Variants in SEC14L5 observed in about 807,000 individuals in gnomAD.
SEC14L5 encodes the protein SEC14 like lipid binding 5, also known as SEC14-like protein 5.
In SEC14L5, 96 loss-of-function variants were observed where a neutral mutation model predicts 84.6. That is an observed-to-expected ratio of 1.13 (90% CI 0.96 to 1.34). The LOEUF (loss-of-function observed/expected upper bound fraction) is 1.34, where lower values mean the gene tolerates loss of function less well. SEC14L5 is among the 40% of genes most tolerant of loss of function. The pLI is 0.00. For missense variants in SEC14L5, 1,224 were observed against 942.5 expected, an observed-to-expected ratio of 1.30 and a Z score of -3.91; for synonymous variants, 546 against 383.4, an observed-to-expected ratio of 1.42 and a Z score of -4.95.
At chr16:4,987,886 G>C (rs1596627682) in intron 3 of SEC14L5, among the ~76,000 whole-genome samples, 180 bp downstream of exon 3, 1 of 152,142 alleles carries the variant, frequency 6.6e-6, no homozygotes, top group Non-Finnish European at 1.5e-5. Context: ...CAGGAGGGGC[G>C]AGGGCTGGAA....
intron 2 of SEC14L5, among the ~76,000 whole-genome samples, chr16:4,981,529 G>A (rs1296360495): frequency 1.3e-5 from 2 of 152,114 alleles, no homozygotes; most frequent in East Asian, 3.9e-4. Flanking sequence ...CCGCTGCCTG[G>A]CAGGATTCTG....
chr16:4,962,999 C>T (rs760679874), intron 2 of SEC14L5, among the ~76,000 whole-genome samples: 8 of 152,122 alleles, frequency 5.3e-5, no homozygotes, highest in African/African-American at 1.4e-4. Flanking sequence ...GGTCAGATGC[C>T]GGGGAAGTTT....
rs181701873 is a variant in SEC14L5 at position 5,010,234 on chromosome 16, G to C, written c.1801-861G>C. Among the ~76,000 whole-genome samples, 339 of 149,012 alleles carry C rather than the reference G, an allele frequency of 2.3e-3. 4 individuals are homozygous for C. The East Asian group carries it at 0.032, about 14-fold the overall frequency. On this transcript the variant is annotated intron_variant, in intron 14 of 15. Coordinates refer to ENST00000251170, the MANE Select transcript of SEC14L5 (RefSeq NM_014692.2). ...AAAAAAAAAGCGAGGTGTGGTGGCG[G>C]GTGCCTGTAATCCCAGCTACTCGGG...
At chr16:4,997,663 G>C (rs1259664636) in intron 8 of SEC14L5, among the ~76,000 whole-genome samples, 2 of 152,156 alleles carry the variant, frequency 1.3e-5, no homozygotes, top group Admixed American at 6.5e-5. Context: ...GCACAATCTT[G>C]GTGGCTTAAA....
rs545468376 is a variant in SEC14L5 at position 4,985,596 on chromosome 16, T to C, written c.64-1961T>C. The stretch of plus-strand genomic sequence containing the variant: ...CCATTTGCTGAAGAGATTATTCTTT[T>C]CTCATCAGATTGTCTTGACACCTTT... On this transcript the variant is annotated intron_variant, in intron 2 of 15. Transcript: ENST00000251170. Among the ~76,000 whole-genome samples, 304 of 152,280 alleles carry C rather than the reference T, an allele frequency of 2.0e-3. 2 individuals are homozygous for C. The highest frequency in any genetic ancestry group is 6.7e-3 in the African/African-American group (278 of 41,544).
At position 4,990,490 on chromosome 16, in the gene SEC14L5, C is replaced by T. The variant is rs1043598060; in HGVS notation, c.346-277C>T. On this transcript the variant is annotated intron_variant, in intron 4 of 15. Coordinates refer to ENST00000251170, the MANE Select transcript of SEC14L5 (RefSeq NM_014692.2). ...AACATAAGTATTTCTAACTAATTTT[C>T]TATGTATGTGTATAATATTGAAAGG... Among the ~76,000 whole-genome samples, 3 of 152,236 alleles carry T rather than the reference C, an allele frequency of 2.0e-5. No individual in the cohort carries two copies. The South Asian group carries it at 6.2e-4, about 32-fold the overall frequency.
chr16:5,008,680 C>T (rs1568151793), intron 14 of SEC14L5, 32 bp downstream of exon 14: 2 of 1,566,616 alleles, frequency 1.3e-6, no homozygotes, highest in Non-Finnish European at 1.7e-6. Context: ...CATTCGCTCA[C>T]CAAGCAGCAC....
At chr16:4,979,667 G>A (rs1264034459) in intron 2 of SEC14L5, among the ~76,000 whole-genome samples, 2 of 152,176 alleles carry the variant, frequency 1.3e-5, no homozygotes, top group Non-Finnish European at 2.9e-5. Flanking sequence ...CCCGGGGCCT[G>A]GAGATGAGGC....
Position 5,008,451 on chromosome 16 carries a change from G to A in SEC14L5, c.1603G>A (p.Val535Ile), listed in dbSNP as rs1025359512. 4.3e-6 allele frequency: 7 copies of A among 1,613,278 alleles called. No individual in the cohort carries two copies. In the African/African-American group the frequency reaches 8.0e-5, roughly 18 times the overall value. Residue 535 changes from valine (V) to isoleucine (I), a missense_variant, in exon 14 of 16, where the codon GTC becomes ATC. By Grantham distance (29) the Val-to-Ile change is conservative. Transcript: ENST00000251170. ...CGTGGAGATCCTGGAAGGAGAGTCG[G>A]TCATCACCTGGGACTTTGACATCCT... ...VAVEILEGES[V>I]ITWDFDILRG...
chr16:5,012,140 C>G (rs1442392739), intron 15 of SEC14L5, among the ~76,000 whole-genome samples: 1 of 152,166 alleles, frequency 6.6e-6, no homozygotes, highest in Non-Finnish European at 1.5e-5. Context: ...GAGTCTTTAT[C>G]CAAGGAGGGG....
Position 5,015,045 on chromosome 16 carries a change from G to A in SEC14L5, c.*75G>A. 2 of 1,197,794 alleles carry A rather than the reference G, an allele frequency of 1.7e-6. No homozygotes were observed. Among genetic ancestry groups the A allele is most frequent in the Non-Finnish European group, 2.4e-6 (2 of 827,070 alleles). 74.2% of individuals were successfully genotyped at this position (1,197,794 alleles called of 1,614,324 possible). On this transcript the variant is annotated 3_prime_UTR_variant, in exon 16 of 16. Transcript: ENST00000251170. ...GTCCAGAATGAGAAGCCAGCTAACT[G>A]CAGGGCCTGGGACCATGTGGGCTGG...
In SEC14L5 at chr16:5,015,031, G is replaced by A. The variant is rs1162465850; in HGVS notation, c.*61G>A. 5.9e-6 allele frequency: 8 copies of A among 1,346,698 alleles called. No homozygotes were observed. Among genetic ancestry groups the A allele is most frequent in the Non-Finnish European group, 8.4e-6 (8 of 954,076 alleles). The allele number at this position is 1,346,698 out of a possible 1,614,324, so 83.4% of individuals were successfully genotyped here. On this transcript the variant is annotated 3_prime_UTR_variant, in exon 16 of 16. Coordinates refer to ENST00000251170, the MANE Select transcript of SEC14L5 (RefSeq NM_014692.2). Reference sequence around the variant, plus strand: ...CAGTGTCCAGAAATGTCCAGAATGAGAAGCCAGCTAACTGCAGGGCCTGGG... The same window carrying A: ...CAGTGTCCAGAAATGTCCAGAATGAAAAGCCAGCTAACTGCAGGGCCTGGG...
intron 6 of SEC14L5, among the ~76,000 whole-genome samples, chr16:4,992,658 T>G (rs1955564576): frequency 6.6e-6 from 1 of 152,250 alleles, no homozygotes; most frequent in Non-Finnish European, 1.5e-5. Flanking sequence ...AATTTACTAA[T>G]TATTACGATT....
At chr16:5,006,890 G>T (rs967892092) in intron 12 of SEC14L5, among the ~76,000 whole-genome samples, 2 of 152,038 alleles carry the variant, frequency 1.3e-5, no homozygotes, top group Non-Finnish European at 2.9e-5. Context: ...GCCAAGGCCT[G>T]GCCATCTAGG....
chr16:4,960,993 C>T (rs768303216), intron 2 of SEC14L5, among the ~76,000 whole-genome samples: 101 of 152,090 alleles, frequency 6.6e-4, no homozygotes, highest in African/African-American at 1.0e-3. Context: ...GAACTTAAGC[C>T]GGGTGCAGTG....
At chr16:4,972,618 G>C (rs192531932) in intron 2 of SEC14L5, among the ~76,000 whole-genome samples, 1 of 152,200 alleles carries the variant, frequency 6.6e-6, no homozygotes, top group African/African-American at 2.4e-5. Context: ...CGTTTCACTG[G>C]ACACAATGTC....
At chr16:5,000,621 G>C in intron 8 of SEC14L5, 34 bp from the exon 9 acceptor site, 2 of 1,494,536 alleles carry the variant, frequency 1.3e-6, no homozygotes, top group Non-Finnish European at 1.8e-6. Flanking sequence ...TCTAAATAAC[G>C]GGCTCTTCTT....
chr16:4,981,381 G>T (rs1207272654), intron 2 of SEC14L5, among the ~76,000 whole-genome samples: 3 of 149,448 alleles, frequency 2.0e-5, no homozygotes, highest in East Asian at 3.9e-4. Context: ...CAAAGTGCTG[G>T]GATTACAGGT....
At chr16:4,971,450 C>A (rs546795928) in intron 2 of SEC14L5, among the ~76,000 whole-genome samples, 1 of 152,154 alleles carries the variant, frequency 6.6e-6, no homozygotes, top group Non-Finnish European at 1.5e-5. Context: ...TAAAGCAAGA[C>A]CTTGTCTCAA....
Sources: allele counts gnomAD v4.1 joint callset (sites outside exome capture counted in the v4.1 genomes callset), GRCh38; gene constraint gnomAD v4.1.1; transcripts MANE v1.5; gene names NCBI Gene and HGNC (gene_info 2026-07-23, HGNC 2026-07-21).